Variants in GPC4 observed in about 807,000 individuals in gnomAD.
GPC4 encodes glypican 4, also known as glypican-4.
GPC4 carries 10 observed loss-of-function variants against 35.0 expected under a neutral mutation model. The ratio of observed to expected loss-of-function variants is 0.29; its 90% CI spans 0.18 to 0.48. The LOEUF is 0.48. Among genes scored for constraint, GPC4 ranks in the 20% least tolerant of loss-of-function variants. GPC4 has a pLI of 0.99. For missense variants in GPC4, 322 were observed against 451.3 expected, an observed-to-expected ratio of 0.71 and a Z score of 2.60; for synonymous variants, 167 against 170.2, an observed-to-expected ratio of 0.98 and a Z score of 0.15.
chrX:133,324,626 T>A, intron 2 of GPC4, 90 bp from the exon 3 acceptor site: 1 of 888,384 alleles, frequency 1.1e-6, no homozygotes, highest in Non-Finnish European at 1.5e-6. Flanking sequence ...ATTTGAAAAC[T>A]GGAAAAAAAA....
At chrX:133,315,980 A>G (rs1250918708) in intron 3 of GPC4, among the ~76,000 whole-genome samples, 1 of 111,661 alleles carries the variant, frequency 9.0e-6, no homozygotes, top group African/African-American at 3.3e-5. Flanking sequence ...GAAAAACTGT[A>G]CACTCCTCCC....
intron 1 of GPC4, among the ~76,000 whole-genome samples, chrX:133,351,372 C>T (rs2068515593): frequency 1.1e-5 from 1 of 90,054 alleles, no homozygotes; most frequent in African/African-American, 4.1e-5. Flanking sequence ...CATCAACTGC[C>T]CCCCGCCACC....
At chrX:133,366,219 GT>G (rs2068589153) in intron 1 of GPC4, among the ~76,000 whole-genome samples, 1 of 112,288 alleles carries the variant, frequency 8.9e-6, no homozygotes, top group Admixed American at 9.4e-5. Context: ...AGCTCCAAAT[GT>G]TATTACATAA....
chrX:133,303,812 A>G (rs2068278681), intron 7 of GPC4, among the ~76,000 whole-genome samples: 1 of 110,011 alleles, frequency 9.1e-6, no homozygotes, highest in South Asian at 4.0e-4. Context: ...AGGTTGCACC[A>G]CTGCATTCCA....
chrX:133,382,682 T>A (rs1413391276), intron 1 of GPC4, among the ~76,000 whole-genome samples: 1 of 111,894 alleles, frequency 8.9e-6, no homozygotes, highest in Non-Finnish European at 1.9e-5. Flanking sequence ...TGAGCTGAGA[T>A]CGCGCCACTG....
Position 133,303,176 on chromosome X carries a change from G to T in GPC4, c.1458C>A (p.Phe486Leu). 8.3e-7 allele frequency: 1 copy of T among 1,211,253 alleles called. No individual in the cohort carries two copies. Among genetic ancestry groups the T allele is most frequent in the East Asian group, 3.0e-5 (1 of 33,822 alleles). The change falls in exon 8 of 9, where the codon TTC becomes TTA. Residue 486 changes from phenylalanine to leucine, a missense_variant. Phe to Leu is a conservative substitution (Grantham distance 22). This residue lies in a region of GPC4 where 99 missense variants were observed against 110.0 expected (regional missense o/e 0.90). Coordinates refer to ENST00000370828, the MANE Select transcript of GPC4 (RefSeq NM_001448.3). ...KNAYNGNDVDFFDISDESSGE... is the reference protein window; with the variant it reads ...KNAYNGNDVDLFDISDESSGE... ...ACCACAAATGCTTACTGATATCAAA[G>T]AAGTCCACGTCGTTCCCATTGTATG...
intron 7 of GPC4, 46 bp downstream of exon 7, chrX:133,304,679 G>A: frequency 8.4e-7 from 1 of 1,197,354 alleles, no homozygotes; most frequent in Non-Finnish European, 1.1e-6. Flanking sequence ...GGTCACCCAG[G>A]CATCTAGGAA....
At chrX:133,337,812 C>T (rs1325893649) in intron 2 of GPC4, among the ~76,000 whole-genome samples, 1 of 110,418 alleles carries the variant, frequency 9.1e-6, no homozygotes, top group Non-Finnish European at 1.9e-5. Context: ...GCCAATAACA[C>T]CCATTTTCAC....
intron 1 of GPC4, among the ~76,000 whole-genome samples, chrX:133,369,315 C>T (rs1379884381): frequency 9.0e-6 from 1 of 111,365 alleles, no homozygotes; most frequent in East Asian, 2.8e-4. Context: ...ACCCTAGTTC[C>T]TGTTTTTCTT....
intron 4 of GPC4, among the ~76,000 whole-genome samples, chrX:133,307,688 C>T (rs2068296739): frequency 8.9e-6 from 1 of 111,829 alleles, no homozygotes; most frequent in Non-Finnish European, 1.9e-5. Flanking sequence ...CTGCCACGTA[C>T]AGAAAGCACA....
intron 1 of GPC4, among the ~76,000 whole-genome samples, chrX:133,371,686 TTC>T (rs1356317481): frequency 9.8e-5 from 11 of 112,134 alleles, no homozygotes; most frequent in Non-Finnish European, 1.1e-4. Flanking sequence ...TTGAGTTGAT[TTC>T]TCTTTGTCCA....
chrX:133,311,538 T>C (rs962250589), intron 3 of GPC4, 115 bp from the exon 4 acceptor site: 5 of 671,940 alleles, frequency 7.4e-6, no homozygotes, highest in African/African-American at 6.4e-5. Flanking sequence ...GAGTTGTGAT[T>C]GATCACAATT....
At chrX:133,383,560 T>C (rs1441496112) in intron 1 of GPC4, among the ~76,000 whole-genome samples, 1 of 111,593 alleles carries the variant, frequency 9.0e-6, no homozygotes, top group African/African-American at 3.3e-5. Flanking sequence ...TGAACCCTAC[T>C]GTTGCCTGGA....
At chrX:133,382,563 C>T (rs1233814156) in intron 1 of GPC4, among the ~76,000 whole-genome samples, 3 of 107,903 alleles carry the variant, frequency 2.8e-5, no homozygotes, top group Non-Finnish European at 5.7e-5. Context: ...CCCGTCTCTA[C>T]TAAAAATACA....
chrX:133,397,947 C>G (rs1033257300), intron 1 of GPC4, among the ~76,000 whole-genome samples: 1 of 110,788 alleles, frequency 9.0e-6, no homozygotes, highest in Non-Finnish European at 1.9e-5. Context: ...ACCTGTAATC[C>G]CAGCTACTTG....
intron 1 of GPC4, 85 bp downstream of exon 1, chrX:133,414,721 G>A (rs1004198083): frequency 5.1e-5 from 59 of 1,146,261 alleles, no homozygotes; most frequent in Non-Finnish European, 6.4e-5. Context: ...CCGGCGCAGG[G>A]GGCGGCGGGG....
intron 1 of GPC4, chrX:133,414,576 C>A (rs1376295316): frequency 1.3e-6 from 1 of 752,161 alleles, no homozygotes; most frequent in African/African-American, 2.3e-5. Flanking sequence ...CCCGGCGGCG[C>A]CCCTCCGCTC....
At chrX:133,312,825 C>T (rs770987133) in intron 3 of GPC4, among the ~76,000 whole-genome samples, 1 of 111,140 alleles carries the variant, frequency 9.0e-6, no homozygotes, top group Non-Finnish European at 1.9e-5. Context: ...GCTGGCTGTC[C>T]TCTCCAGAGA....
chrX:133,368,953 A>G (rs1005108615), intron 1 of GPC4, among the ~76,000 whole-genome samples: 4 of 111,466 alleles, frequency 3.6e-5, no homozygotes, highest in Non-Finnish European at 7.5e-5. Flanking sequence ...ACCGAGTAAC[A>G]TTATTTTTAT....
Sources: allele counts gnomAD v4.1 joint callset (sites outside exome capture counted in the v4.1 genomes callset), GRCh38; gene constraint gnomAD v4.1.1; regional missense constraint gnomAD v4.1.1; transcripts MANE v1.5; gene names NCBI Gene and HGNC (gene_info 2026-07-23, HGNC 2026-07-21).